PPARGC1A: variants seen among roughly 807,000 people sequenced by gnomAD.
PPARGC1A encodes PPARG coactivator 1 alpha.
In PPARGC1A, 25 loss-of-function variants were observed where a neutral mutation model predicts 88.7. The observed-to-expected ratio is 0.28, with a 90% CI of 0.21 to 0.39. The LOEUF (loss-of-function observed/expected upper bound fraction) is 0.39, where lower values mean the gene tolerates loss of function less well. Ranked by LOEUF, PPARGC1A falls within the 10% of genes least tolerant of loss-of-function variation. The pLI, the probability that PPARGC1A is intolerant of heterozygous loss-of-function variation, is 1.00. For missense variants in PPARGC1A, 880 were observed against 968.7 expected (o/e 0.91, Z 1.22); for synonymous variants, 363 against 355.6 (o/e 1.02, Z -0.24).
At chr4:24,152,883 C>T in the PPARGC1A span, among the ~76,000 whole-genome samples, 1 of 152,214 alleles carries the variant, frequency 6.6e-6, no homozygotes, top group Non-Finnish European at 1.5e-5. Context: ...AATTTCTCAA[C>T]TCTCACCTTG....
chr4:23,980,568 C>T, the PPARGC1A span, among the ~76,000 whole-genome samples: 5 of 152,072 alleles, frequency 3.3e-5, no homozygotes, highest in South Asian at 2.1e-4. Flanking sequence ...AAAATACAAT[C>T]GAAGGGATAT....
At chr4:23,830,016 A>G (rs2109678847) in intron 3 of PPARGC1A, among the ~76,000 whole-genome samples, 1 of 152,234 alleles carries the variant, frequency 6.6e-6, no homozygotes, top group East Asian at 1.9e-4. Context: ...TAATTTCCAA[A>G]TCACTACTAG....
the PPARGC1A span, among the ~76,000 whole-genome samples, chr4:24,110,382 T>C: frequency 6.6e-6 from 1 of 152,190 alleles, no homozygotes; most frequent in Non-Finnish European, 1.5e-5. Context: ...ATCAGATAGA[T>C]ACCTGAATTG....
chr4:23,907,493 G>A (rs551722419), upstream of PPARGC1A, among the ~76,000 whole-genome samples: 5 of 152,306 alleles, frequency 3.3e-5, no homozygotes, highest in South Asian at 1.0e-3. Context: ...CATTCAGTAA[G>A]GAGTCCCAGA....
At chr4:24,262,390 C>T in the PPARGC1A span, among the ~76,000 whole-genome samples, 1 of 152,180 alleles carries the variant, frequency 6.6e-6, no homozygotes, top group African/African-American at 2.4e-5. Flanking sequence ...GAAGCACTTC[C>T]ACCATGAAGG....
chr4:24,308,682 C>T, the PPARGC1A span, among the ~76,000 whole-genome samples: 1 of 152,222 alleles, frequency 6.6e-6, no homozygotes, highest in East Asian at 1.9e-4. Context: ...GGCTCTAGGC[C>T]TCCTGCCTTG....
chr4:24,143,033 C>A, the PPARGC1A span, among the ~76,000 whole-genome samples: 1 of 152,052 alleles, frequency 6.6e-6, no homozygotes, highest in South Asian at 2.1e-4. Context: ...GGGAACAAAG[C>A]AAGTAAGGAC....
At chr4:24,162,867 T>G in the PPARGC1A span, among the ~76,000 whole-genome samples, 1 of 151,918 alleles carries the variant, frequency 6.6e-6, no homozygotes, top group Non-Finnish European at 1.5e-5. Context: ...GTGCTGGGAT[T>G]ACAGGTGTGA....
chr4:24,278,238 C>A, the PPARGC1A span, among the ~76,000 whole-genome samples: 1 of 152,062 alleles, frequency 6.6e-6, no homozygotes, highest in African/African-American at 2.4e-5. Flanking sequence ...AACTCCTTTG[C>A]GTGGCTTCTG....
chr4:24,195,035 T>G, the PPARGC1A span, among the ~76,000 whole-genome samples: 1 of 152,228 alleles, frequency 6.6e-6, no homozygotes. Context: ...AACTTGTGTA[T>G]GTATGAATAT....
At chr4:24,092,914 C>A in the PPARGC1A span, among the ~76,000 whole-genome samples, 1 of 152,222 alleles carries the variant, frequency 6.6e-6, no homozygotes, top group Non-Finnish European at 1.5e-5. Context: ...CAGAAGCGAT[C>A]ATAATATTCT....
the PPARGC1A span, among the ~76,000 whole-genome samples, chr4:23,988,336 G>C: frequency 3.3e-5 from 5 of 151,994 alleles, no homozygotes; most frequent in African/African-American, 7.2e-5. Context: ...GGTATTTCTA[G>C]TTCTAGATCC....
the PPARGC1A span, among the ~76,000 whole-genome samples, chr4:24,232,993 A>G: frequency 6.6e-5 from 10 of 152,152 alleles, no homozygotes; most frequent in Admixed American, 5.9e-4. Context: ...TAGGGCAAGC[A>G]GGAGTTGACT....
At chr4:23,973,326 G>A in the PPARGC1A span, among the ~76,000 whole-genome samples, 1 of 152,206 alleles carries the variant, frequency 6.6e-6, no homozygotes, top group Non-Finnish European at 1.5e-5. Context: ...AAGGCTTTCA[G>A]ACTTTATTTT....
the PPARGC1A span, among the ~76,000 whole-genome samples, chr4:24,410,827 G>A: frequency 0.017 from 2,581 of 152,230 alleles, 62 homozygotes; most frequent in African/African-American, 0.06. Flanking sequence ...CCAGTGGTTC[G>A]CCAGGGGCTC....
intron 2 of PPARGC1A, among the ~76,000 whole-genome samples, chr4:23,834,318 T>C (rs566661425): frequency 2.3e-4 from 34 of 150,072 alleles, no homozygotes; most frequent in African/African-American, 7.6e-4. Flanking sequence ...CATATATATA[T>C]ACACACACAC....
the PPARGC1A span, among the ~76,000 whole-genome samples, chr4:24,357,018 A>C: frequency 1.3e-5 from 2 of 152,142 alleles, no homozygotes; most frequent in African/African-American, 2.4e-5. Context: ...GCCCTCAGAT[A>C]ACAACTAATG....
At position 23,850,157 on chromosome 4, in the gene PPARGC1A, T is replaced by C. The variant is rs560786659; in HGVS notation, c.235-18406A>G. Among the ~76,000 whole-genome samples, 4 of 152,340 alleles carry C rather than the reference T, an allele frequency of 2.6e-5. No individual in the cohort carries two copies. The East Asian group carries it at 7.7e-4, about 29-fold the overall frequency. On this transcript the variant is annotated intron_variant, in intron 2 of 12. Coordinates refer to ENST00000264867, the MANE Select transcript of PPARGC1A (RefSeq NM_013261.5). ...AATAATTAGGTTGGTGCAAAAGTAATTGTGGTTTTGGTCATCACTTTCAAT... is the reference window on the plus strand; with the variant it reads ...AATAATTAGGTTGGTGCAAAAGTAACTGTGGTTTTGGTCATCACTTTCAAT...
chr4:24,293,785 G>T, the PPARGC1A span, among the ~76,000 whole-genome samples: 13 of 151,572 alleles, frequency 8.6e-5, no homozygotes, highest in African/African-American at 1.5e-4. Context: ...CTCGTATTAA[G>T]TCAACCTAAA....
Sources: gnomAD v4.1 joint callset for allele counts (sites outside exome capture counted in the v4.1 genomes callset) on GRCh38, gnomAD v4.1.1 for gene constraint, MANE v1.5 for transcripts, NCBI Gene and HGNC (gene_info 2026-07-23, HGNC 2026-07-21) for gene names.